The following GRIK2 variants were observed in gnomAD, a reference collection of about 807,000 sequenced individuals.
GRIK2 encodes glutamate receptor ionotropic, kainate 2.
Under a neutral mutation model 100.3 loss-of-function variants are expected in GRIK2, and 32 were observed. That is an observed-to-expected ratio of 0.32 (90% CI 0.24 to 0.43). The LOEUF (loss-of-function observed/expected upper bound fraction) is 0.43, where lower values mean the gene tolerates loss of function less well. GRIK2 is among the 20% of genes least tolerant of loss of function. The probability of loss-of-function intolerance (pLI) is 1.00; values close to 1 mark genes in which losing one functional copy is unlikely to be tolerated. For synonymous variants in GRIK2, 417 were observed against 389.4 expected (o/e 1.07, Z -0.83); for missense variants, 843 against 1,114.9 (o/e 0.76, Z 3.47).
intron 10 of GRIK2, among the ~76,000 whole-genome samples, chr6:101,822,974 G>A (rs937238630): frequency 2.0e-5 from 3 of 152,096 alleles, no homozygotes; most frequent in Non-Finnish European, 4.4e-5. Context: ...CTAAAGCAAT[G>A]TTTCTCATCC....
intron 2 of GRIK2, among the ~76,000 whole-genome samples, chr6:101,475,515 G>T (rs1217168039): frequency 6.6e-6 from 1 of 151,912 alleles, no homozygotes; most frequent in East Asian, 1.9e-4. Context: ...CAATTATAAA[G>T]AGCTATTTTT....
chr6:101,527,197 A>G (rs1393511600), intron 2 of GRIK2, among the ~76,000 whole-genome samples: 3 of 152,206 alleles, frequency 2.0e-5, no homozygotes, highest in African/African-American at 7.2e-5. Flanking sequence ...AGTTAACTCT[A>G]GATCAGTCAC....
At chr6:102,029,564 C>T (rs1406756150) in intron 14 of GRIK2, among the ~76,000 whole-genome samples, 5 of 151,050 alleles carry the variant, frequency 3.3e-5, no homozygotes, top group Admixed American at 1.3e-4. Flanking sequence ...TGAGAATGTT[C>T]AACAACTTTT....
chr6:101,465,921 C>T (rs1254252579), intron 2 of GRIK2, among the ~76,000 whole-genome samples: 1 of 152,088 alleles, frequency 6.6e-6, no homozygotes, highest in African/African-American at 2.4e-5. Flanking sequence ...GCTGTTTTGA[C>T]TAGAGGGAGG....
At chr6:101,942,877 G>T (rs142680918) in intron 14 of GRIK2, among the ~76,000 whole-genome samples, 209 of 152,306 alleles carry the variant, frequency 1.4e-3, no homozygotes, top group African/African-American at 4.6e-3. Context: ...TTCTGAGGAG[G>T]AATTTAAGCA....
At chr6:101,992,068 A>G (rs1185375790) in intron 14 of GRIK2, among the ~76,000 whole-genome samples, 4 of 151,568 alleles carry the variant, frequency 2.6e-5, no homozygotes, top group Non-Finnish European at 5.9e-5. Context: ...TATTTGCATT[A>G]TTTGCAATAA....
At position 101,794,729 on chromosome 6, in the gene GRIK2, A is replaced by G. The variant is rs114840411; in HGVS notation, c.952-4919A>G. 1.3e-3 allele frequency among the ~76,000 whole-genome samples: 199 copies of G among 148,516 alleles called. 1 individual carries two copies. Among genetic ancestry groups the G allele is most frequent in the South Asian group, 4.7e-3 (22 of 4,706 alleles). On this transcript the variant is annotated intron_variant, in intron 7 of 16. Coordinates refer to ENST00000369134, the MANE Select transcript of GRIK2 (RefSeq NM_021956.5). ...CTTTTTTCAGGCATTTCATAGATCTATTTTTCACTGAATATTTTGCTGAAT... is the reference window on the plus strand; with the variant it reads ...CTTTTTTCAGGCATTTCATAGATCTGTTTTTCACTGAATATTTTGCTGAAT...
intron 2 of GRIK2, among the ~76,000 whole-genome samples, chr6:101,408,945 G>C (rs1775735429): frequency 6.6e-6 from 1 of 152,102 alleles, no homozygotes; most frequent in Non-Finnish European, 1.5e-5. Context: ...CAGATCAAAT[G>C]ATTAAGCAAG....
At chr6:101,780,595 A>C in intron 7 of GRIK2, among the ~76,000 whole-genome samples, 1 of 152,168 alleles carries the variant, frequency 6.6e-6, no homozygotes, top group African/African-American at 2.4e-5. Context: ...TTGTTTTGTA[A>C]TAATAATATT....
chr6:101,545,579 G>A (rs1262874050), intron 2 of GRIK2, among the ~76,000 whole-genome samples: 4 of 151,938 alleles, frequency 2.6e-5, no homozygotes, highest in Non-Finnish European at 4.4e-5. Flanking sequence ...TTTATCTTGC[G>A]GTGTTTCATA....
chr6:102,013,216 C>A (rs1795642047), intron 14 of GRIK2, among the ~76,000 whole-genome samples: 1 of 152,034 alleles, frequency 6.6e-6, no homozygotes, highest in African/African-American at 2.4e-5. Flanking sequence ...GGATTGCATT[C>A]CTAATCTGGT....
At position 101,838,486 on chromosome 6, in the gene GRIK2, G is replaced by A. The variant is rs191975192; in HGVS notation, c.1317+20003G>A. ...TGTAAGCCAAGTTGACCACCCTGCT[G>A]TGCCAGTGGAAACACACTGTCACAG... On this transcript the variant is annotated intron_variant, in intron 10 of 16. Transcript: ENST00000369134. Among the ~76,000 whole-genome samples, 40 of 152,202 alleles carry A rather than the reference G, an allele frequency of 2.6e-4. No homozygotes were observed. In the Middle Eastern group the frequency reaches 0.014, roughly 52 times the overall value.
At chr6:101,439,810 T>G (rs1769945194) in intron 2 of GRIK2, among the ~76,000 whole-genome samples, 1 of 152,118 alleles carries the variant, frequency 6.6e-6, no homozygotes, top group South Asian at 2.1e-4. Context: ...GGTTTAGAAT[T>G]TTGGGCTATA....
At chr6:101,420,120 A>G (rs1240020554) in intron 2 of GRIK2, among the ~76,000 whole-genome samples, 1 of 152,228 alleles carries the variant, frequency 6.6e-6, no homozygotes, top group African/African-American at 2.4e-5. Context: ...TTCAAACATT[A>G]TATTATCCAA....
At chr6:101,838,220 C>T (rs1253407786) in intron 10 of GRIK2, among the ~76,000 whole-genome samples, 3 of 152,198 alleles carry the variant, frequency 2.0e-5, no homozygotes, top group East Asian at 1.9e-4. Context: ...CATAAAAGTA[C>T]ATAAGTTTAC....
chr6:101,864,143 C>CAA lies in GRIK2; in HGVS notation c.1524+4667_1524+4668dup, dbSNP rs138911944. On this transcript the variant is annotated intron_variant, in intron 11 of 16. Coordinates refer to ENST00000369134, the MANE Select transcript of GRIK2 (RefSeq NM_021956.5). ...TGGGCGACAGAGCGAGACTCCGTCT[C>CAA]AAAAAAAAAAAAAAAAAAGAAGATG... Among the ~76,000 whole-genome samples, 320 of 85,696 alleles carry CAA rather than the reference C, an allele frequency of 3.7e-3. 2 individuals carry two copies. The highest frequency in any genetic ancestry group is 8.4e-3 in the South Asian group (21 of 2,486). The allele number at this position is 85,696 out of a possible 152,430, so 56.2% of individuals were successfully genotyped here. A position where few individuals can be genotyped will look rare whatever the true frequency, so the allele number is the denominator to read the frequency against.
chr6:101,464,518 T>C (rs1406006141), intron 2 of GRIK2, among the ~76,000 whole-genome samples: 6 of 91,362 alleles, frequency 6.6e-5, no homozygotes, highest in East Asian at 3.0e-4. Context: ...TTTTTTTTTT[T>C]TTTTTTTTTT....
At chr6:101,854,723 A>G (rs1192285215) in intron 10 of GRIK2, among the ~76,000 whole-genome samples, 1 of 152,224 alleles carries the variant, frequency 6.6e-6, no homozygotes, top group African/African-American at 2.4e-5. Context: ...ATTGAGTTAT[A>G]GAAGTAACTA....
chr6:101,585,344 G>T (rs1429824791), intron 2 of GRIK2, among the ~76,000 whole-genome samples: 2 of 152,042 alleles, frequency 1.3e-5, no homozygotes, highest in Non-Finnish European at 2.9e-5. Context: ...TATATTCAGT[G>T]TACAAGAATG....
Sources: allele counts gnomAD v4.1 joint callset (sites outside exome capture counted in the v4.1 genomes callset), GRCh38; gene constraint gnomAD v4.1.1; transcripts MANE v1.5; gene names NCBI Gene and HGNC (gene_info 2026-07-23, HGNC 2026-07-21).